CSTF3: variants seen among roughly 807,000 people sequenced by gnomAD.
CSTF3 encodes cleavage stimulation factor subunit 3.
In CSTF3, 29 loss-of-function variants were observed where a neutral mutation model predicts 105.8. That is an observed-to-expected ratio of 0.27 (90% CI 0.20 to 0.37). CSTF3 has a LOEUF of 0.37. Ranked by LOEUF, CSTF3 falls within the 10% of genes least tolerant of loss-of-function variation. The pLI, the probability that CSTF3 is intolerant of heterozygous loss-of-function variation, is 1.00. For missense variants in CSTF3, 357 were observed against 879.3 expected (o/e 0.41, Z 7.51); for synonymous variants, 252 against 281.9 (o/e 0.89, Z 1.06).
chr11:33,085,393 CAT>C, intron 20 of CSTF3, 104 bp from the exon 21 acceptor site: 2 of 932,584 alleles, frequency 2.1e-6, no homozygotes, highest in South Asian at 1.9e-5. Context: ...TTTAGCAAAA[CAT>C]GGGATAGTAC....
intron 8 of CSTF3, among the ~76,000 whole-genome samples, chr11:33,104,628 G>C (rs1393698230): frequency 6.6e-6 from 1 of 152,080 alleles, no homozygotes; most frequent in Admixed American, 6.6e-5. Flanking sequence ...GCTTGAGAGT[G>C]GTGGGGCATG....
chr11:33,106,227 T>G (rs1002544186), intron 5 of CSTF3, among the ~76,000 whole-genome samples, 163 bp from the exon 6 acceptor site: 6 of 151,706 alleles, frequency 4.0e-5, no homozygotes, highest in Admixed American at 2.0e-4. Flanking sequence ...CTGTGCAACA[T>G]AGCAAAACCC....
intron 3 of CSTF3, among the ~76,000 whole-genome samples, chr11:33,124,495 T>C (rs1053131215): frequency 6.6e-5 from 10 of 152,124 alleles, no homozygotes; most frequent in Non-Finnish European, 8.8e-5. Flanking sequence ...TCAAGTGAGA[T>C]TTATAATTCT....
chr11:33,154,455 T>G (rs1265736088), intron 1 of CSTF3, among the ~76,000 whole-genome samples: 2 of 149,686 alleles, frequency 1.3e-5, no homozygotes, highest in African/African-American at 4.9e-5. Context: ...TTTTTCAAAA[T>G]TAAAAGTAGA....
intron 1 of CSTF3, among the ~76,000 whole-genome samples, chr11:33,152,224 C>T (rs1849793967): frequency 1.3e-5 from 2 of 152,256 alleles, no homozygotes; most frequent in South Asian, 4.1e-4. Context: ...TGTGCCGCTG[C>T]ACTCCAGCCT....
intron 8 of CSTF3, among the ~76,000 whole-genome samples, chr11:33,104,619 C>T (rs1855310559): frequency 6.6e-6 from 1 of 151,940 alleles, no homozygotes. Context: ...AAAAAATTAG[C>T]TTGAGAGTGG....
intron 15 of CSTF3, among the ~76,000 whole-genome samples, chr11:33,093,058 C>T (rs1368561050): frequency 1.3e-5 from 2 of 152,110 alleles, no homozygotes; most frequent in Non-Finnish European, 2.9e-5. Context: ...AATGGATGGA[C>T]TTATAGTATA....
Position 33,099,989 on chromosome 11 carries a change from G to A in CSTF3, c.827-272C>T, listed in dbSNP as rs1855265257. 1.3e-5 allele frequency among the ~76,000 whole-genome samples: 2 copies of A among 152,100 alleles called. No individual in the cohort carries two copies. The highest frequency in any genetic ancestry group is 4.8e-5 in the African/African-American group (2 of 41,424). On this transcript the variant is annotated intron_variant, in intron 10 of 20. Transcript: ENST00000323959. This position sits in a 1 kb window ranked among gnomAD's most constrained non-coding sequence, Gnocchi z 4.1. The stretch of plus-strand genomic sequence containing the variant: ...GTTCACTGCAGCCTCGACCTCCTGG[G>A]CTCAAGTGGTTTTCCTGCCTCAGCC...
chr11:33,138,173 G>A (rs889516385), intron 3 of CSTF3, among the ~76,000 whole-genome samples: 16 of 151,668 alleles, frequency 1.1e-4, no homozygotes, highest in Admixed American at 3.9e-4. Context: ...AAGATACATC[G>A]TTGCTATTAC....
At chr11:33,091,319 T>G (rs967506613) in intron 16 of CSTF3, among the ~76,000 whole-genome samples, 1 of 152,260 alleles carries the variant, frequency 6.6e-6, no homozygotes, top group Non-Finnish European at 1.5e-5. Context: ...GCTCTGAGAC[T>G]ACTTAAATGT....
At chr11:33,146,585 A>G (rs1322064096) in intron 1 of CSTF3, among the ~76,000 whole-genome samples, 2 of 150,828 alleles carry the variant, frequency 1.3e-5, no homozygotes, top group Non-Finnish European at 2.9e-5. Flanking sequence ...ACATATAAAA[A>G]AGGACCAATT....
intron 3 of CSTF3, among the ~76,000 whole-genome samples, chr11:33,126,973 C>A (rs1159097233): frequency 2.0e-5 from 3 of 152,118 alleles, no homozygotes; most frequent in Admixed American, 2.0e-4. Context: ...CACAGTAGAT[C>A]TCAATGAGAA....
intron 1 of CSTF3, among the ~76,000 whole-genome samples, chr11:33,151,570 G>A (rs1053641671): frequency 2.6e-5 from 4 of 152,062 alleles, no homozygotes; most frequent in Non-Finnish European, 5.9e-5. Flanking sequence ...ATTCCATTAT[G>A]TGCATATCCT....
intron 1 of CSTF3, among the ~76,000 whole-genome samples, chr11:33,150,065 A>G (rs1351314189): frequency 6.6e-6 from 1 of 151,290 alleles, no homozygotes; most frequent in Non-Finnish European, 1.5e-5. Context: ...CAAAACAAAA[A>G]TTAGCGGGGC....
intron 3 of CSTF3, among the ~76,000 whole-genome samples, chr11:33,120,119 G>A (rs989621481): frequency 4.0e-5 from 6 of 151,512 alleles, no homozygotes; most frequent in Admixed American, 1.3e-4. Flanking sequence ...AAATAAAATT[G>A]TATTCATGCA....
In CSTF3 at chr11:33,106,854, G is replaced by A. The variant is rs550765383; in HGVS notation, c.357-790C>T. Among the ~76,000 whole-genome samples, 8 of 152,246 alleles carry A rather than the reference G, an allele frequency of 5.3e-5. No homozygotes were observed. In the East Asian group the frequency reaches 1.5e-3, roughly 29 times the overall value. ...AAATTTGTGGTTCTCTCATTAATGA[G>A]ACATTAAGATCTTTAGCTCTAAAGT... On this transcript the variant is annotated intron_variant, in intron 5 of 20. Coordinates refer to ENST00000323959, the MANE Select transcript of CSTF3 (RefSeq NM_001326.3).
intron 3 of CSTF3, among the ~76,000 whole-genome samples, chr11:33,137,061 ACT>A (rs1443309898): frequency 6.6e-6 from 1 of 151,756 alleles, no homozygotes; most frequent in Non-Finnish European, 1.5e-5. Context: ...ATATATCATG[ACT>A]CTTATTACAC....
chr11:33,108,052 G>A, intron 4 of CSTF3, 52 bp from the exon 5 acceptor site: 1 of 1,144,112 alleles, frequency 8.7e-7, no homozygotes, highest in Non-Finnish European at 1.3e-6. Context: ...ATTTCACATG[G>A]ACATAGATGA....
chr11:33,147,482 A>C (rs1408584510), intron 1 of CSTF3, among the ~76,000 whole-genome samples: 2 of 151,506 alleles, frequency 1.3e-5, no homozygotes, highest in African/African-American at 4.9e-5. Context: ...GTAGTCACAG[A>C]TACTTGGGAG....
Sources: allele counts gnomAD v4.1 joint callset (sites outside exome capture counted in the v4.1 genomes callset), GRCh38; gene constraint gnomAD v4.1.1; non-coding constraint Gnocchi (gnomAD v3.1); transcripts MANE v1.5; gene names NCBI Gene and HGNC (gene_info 2026-07-23, HGNC 2026-07-21).